KLRB1: variants seen among roughly 807,000 people sequenced by gnomAD.
KLRB1 encodes killer cell lectin like receptor B1.
A neutral mutation model predicts 33.5 loss-of-function variants in KLRB1; 27 were observed. The ratio of observed to expected loss-of-function variants is 0.81; its 90% CI spans 0.59 to 1.11. KLRB1 has a LOEUF of 1.11. Ranked by LOEUF, KLRB1 falls within the 50% of genes most tolerant of loss-of-function variation. The pLI is 0.00. For synonymous variants in KLRB1, 64 were observed against 88.9 expected, an observed-to-expected ratio of 0.72 and a Z score of 1.58; for missense variants, 241 against 254.1, an observed-to-expected ratio of 0.95 and a Z score of 0.35.
intron 1 of KLRB1, among the ~76,000 whole-genome samples, chr12:9,607,046 A>G (rs1864613655): frequency 6.6e-6 from 1 of 151,958 alleles, no homozygotes; most frequent in Admixed American, 6.6e-5. Context: ...AGCCACTGCA[A>G]CTGGCCTACA....
chr12:9,595,476 C>T, intron 5 of KLRB1, 55 bp from the exon 6 acceptor site: 4 of 1,526,698 alleles, frequency 2.6e-6, no homozygotes, highest in Non-Finnish European at 3.6e-6. Flanking sequence ...CAGAGCTATT[C>T]TCACTTAGCC....
Position 9,604,439 on chromosome 12 carries a change from T to A in KLRB1, c.86-2840A>T, listed in dbSNP as rs140660903. Among the ~76,000 whole-genome samples, 210 of 152,242 alleles carry A rather than the reference T, an allele frequency of 1.4e-3. 1 individual carries two copies. Among genetic ancestry groups the A allele is most frequent in the African/African-American group, 4.9e-3 (203 of 41,544 alleles). ...TTGACTGCCTTAGACACAATCACCA[T>A]GCTACAGAGTGACCATAGCCTCAAC... On this transcript the variant is annotated intron_variant, in intron 1 of 5. Transcript: ENST00000229402.
At chr12:9,607,366 T>TTCTTTCTTTCTTTCTTTCTTTCTC (rs1565444646) in intron 1 of KLRB1, among the ~76,000 whole-genome samples, 19 of 82,150 alleles carry the variant, frequency 2.3e-4, no homozygotes, top group African/African-American at 3.4e-4. Context: ...CTTTCTTTCT[T>TTCTTTCTTTCTTTCTTTCTTTCTC]TCTTTCTTTC....
intron 5 of KLRB1, among the ~76,000 whole-genome samples, chr12:9,595,665 A>T (rs934745326): frequency 1.3e-5 from 2 of 152,174 alleles, no homozygotes; most frequent in African/African-American, 4.8e-5. Flanking sequence ...CAATTACATT[A>T]AAAAAAGAAA....
At chr12:9,601,684 CA>C in intron 1 of KLRB1, 85 bp from the exon 2 acceptor site, 1 of 821,526 alleles carries the variant, frequency 1.2e-6, no homozygotes. Context: ...ACATCTGGCA[CA>C]AAAATGTACT....
chr12:9,606,279 AAAT>A (rs1025713837), intron 1 of KLRB1: 2 of 152,182 alleles, frequency 1.3e-5, no homozygotes, highest in African/African-American at 4.8e-5. Flanking sequence ...AGATATCAGA[AAAT>A]AATAATGTGT....
intron 1 of KLRB1, among the ~76,000 whole-genome samples, chr12:9,603,227 G>T (rs1419165371): frequency 1.3e-5 from 2 of 152,130 alleles, no homozygotes; most frequent in Non-Finnish European, 2.9e-5. Context: ...ATGAGAGCTG[G>T]TGTGATACAA....
intron 5 of KLRB1, among the ~76,000 whole-genome samples, chr12:9,596,230 T>C (rs934662530): frequency 6.6e-5 from 10 of 152,192 alleles, no homozygotes; most frequent in Non-Finnish European, 1.3e-4. Flanking sequence ...TGTAGCCTCT[T>C]GGGGCTGCTT....
chr12:9,606,668 T>A (rs370473872), intron 1 of KLRB1, among the ~76,000 whole-genome samples: 1 of 84,558 alleles, frequency 1.2e-5, no homozygotes, highest in African/African-American at 7.3e-5. Flanking sequence ...ATATATAAAA[T>A]ATATAAAATA....
At chr12:9,602,134 C>T (rs1864553152) in intron 1 of KLRB1, among the ~76,000 whole-genome samples, 1 of 152,122 alleles carries the variant, frequency 6.6e-6, no homozygotes, top group Non-Finnish European at 1.5e-5. Context: ...GGGTCTAAGC[C>T]AACTTGGGAT....
rs1491505010 is a variant in KLRB1, at chr12:9,607,335, C to CTTTCTTT, written c.85+419_85+420insAAAGAAA. On this transcript the variant is annotated intron_variant, in intron 1 of 5. Coordinates refer to ENST00000229402, the MANE Select transcript of KLRB1 (RefSeq NM_002258.3). Reference sequence around the variant, plus strand: ...TTTCTTCTTTTCTTTCTCTTTCTTTCCTTTCTTTCTTTCTTTCTTCCTTTC... The same window carrying CTTTCTTT: ...TTTCTTCTTTTCTTTCTCTTTCTTTCTTTCTTTCTTTCTTTCTTTCTTTCTTCCTTTC... Among the ~76,000 whole-genome samples the CTTTCTTT allele has an allele frequency of 1.9e-3, 122 of 65,266 alleles. 7 individuals are homozygous for CTTTCTTT. The highest frequency in any genetic ancestry group is 4.8e-3 in the African/African-American group (114 of 23,988). The allele number at this position is 65,266 out of a possible 152,430, so 42.8% of individuals were successfully genotyped here. A position where few individuals can be genotyped will look rare whatever the true frequency, so the allele number is the denominator to read the frequency against.
rs897900252 is a variant in KLRB1, at chr12:9,601,678, C to T, written c.86-79G>A. 1.2e-5 allele frequency: 11 copies of T among 917,470 alleles called. No individual in the cohort carries two copies. The African/African-American group carries it at 1.5e-4, about 12-fold the overall frequency. 56.8% of individuals were successfully genotyped at this position (917,470 alleles called of 1,614,324 possible). On this transcript the variant is annotated intron_variant, in intron 1 of 5. Transcript: ENST00000229402. ...CCTTGGTTAACTCAGTGGAGTACAT[C>T]TGGCACAAAAATGTACTTGGGATAA...
intron 1 of KLRB1, among the ~76,000 whole-genome samples, chr12:9,602,527 C>T (rs2120716912): frequency 6.6e-6 from 1 of 152,238 alleles, no homozygotes; most frequent in African/African-American, 2.4e-5. Context: ...CTCAGTTACA[C>T]TGCTAGAAGT....
Position 9,598,046 on chromosome 12 carries a change from T to A in KLRB1, c.530A>T (p.Asp177Val). 7.5e-7 allele frequency: 1 copy of A among 1,326,564 alleles called. No homozygotes were observed. The highest frequency in any genetic ancestry group is 1.1e-6 in the Non-Finnish European group (1 of 931,348). 82.2% of individuals were successfully genotyped at this position (1,326,564 alleles called of 1,614,324 possible). ...TAAAGTTAGCTCATCTAATACTCAC[T>A]CATTAGAATTTAAAAAAGAGCCGTT... is the stretch of plus-strand genomic sequence containing the variant. ...WINGSFLNSN[D>V]LEIRGDAKEN... Residue 177 changes from aspartate (D) to valine (V), a missense_variant and splice_region_variant, in exon 5 of 6, where the codon GAC becomes GTC. Asp to Val is a radical substitution (Grantham distance 152). Coordinates refer to ENST00000229402, the MANE Select transcript of KLRB1 (RefSeq NM_002258.3).
At chr12:9,605,351 C>G (rs2120722910) in intron 1 of KLRB1, among the ~76,000 whole-genome samples, 1 of 152,190 alleles carries the variant, frequency 6.6e-6, no homozygotes, top group East Asian at 1.9e-4. Context: ...GAGTATATAC[C>G]CAGTAGTGGG....
rs1864643249 is a variant in KLRB1, at chr12:9,607,890, A to G, written c.-51T>C. The G allele has an allele frequency of 7.7e-7, 1 of 1,295,906 alleles. No homozygotes were observed. The highest frequency in any genetic ancestry group is 1.2e-5 in the South Asian group (1 of 84,000). The allele number at this position is 1,295,906 out of a possible 1,614,324, so 80.3% of individuals were successfully genotyped here. On this transcript the variant is annotated 5_prime_UTR_variant, in exon 1 of 6. Transcript: ENST00000229402. ...ACTTGTGTGTAAGAACAAACTCTCA[A>G]TTCTGTGAGGCAAAATCAGCAAAAG... is the stretch of plus-strand genomic sequence containing the variant.
chr12:9,607,653 T>G (rs1864638334), intron 1 of KLRB1, 102 bp downstream of exon 1: 1 of 793,004 alleles, frequency 1.3e-6, no homozygotes, highest in Non-Finnish European at 2.1e-6. Context: ...AATATAAAAC[T>G]ACTGCTCATC....
chr12:9,597,420 G>A (rs1175881349), intron 5 of KLRB1, among the ~76,000 whole-genome samples: 3 of 10,760 alleles, frequency 2.8e-4, no homozygotes, highest in African/African-American at 3.0e-4. Flanking sequence ...TGCCTGTGTC[G>A]CAAATGCCTC....
At chr12:9,599,922 A>T in intron 2 of KLRB1, 81 bp from the exon 3 acceptor site, 1 of 806,970 alleles carries the variant, frequency 1.2e-6, no homozygotes, top group Non-Finnish European at 2.2e-6. Flanking sequence ...ACTTTAGGAA[A>T]CTAGATAATC....
Sources: allele counts gnomAD v4.1 joint callset (sites outside exome capture counted in the v4.1 genomes callset), GRCh38; gene constraint gnomAD v4.1.1; transcripts MANE v1.5; gene names NCBI Gene and HGNC (gene_info 2026-07-23, HGNC 2026-07-21).